ACP2: variants seen among roughly 807,000 people sequenced by gnomAD.
The protein encoded by ACP2 is acid phosphatase 2, lysosomal.
In ACP2, 35 loss-of-function variants were observed where a neutral mutation model predicts 54.7. The ratio of observed to expected loss-of-function variants is 0.64; its 90% confidence interval spans 0.49 to 0.85. The LOEUF is 0.85. Ranked by LOEUF, ACP2 falls within the 40% of genes least tolerant of loss-of-function variation. The pLI is 0.00. For synonymous variants in ACP2, 210 were observed against 224.4 expected (o/e 0.94, Z 0.57); for missense variants, 492 against 565.0 (o/e 0.87, Z 1.31).
chr11:47,245,864 G>GTGTGTC (rs1333705677), intron 3 of ACP2, 30 bp from the exon 4 acceptor site: 3 of 1,493,678 alleles, frequency 2.0e-6, no homozygotes, highest in Non-Finnish European at 2.7e-6. Flanking sequence ...AGTCGTGTGT[G>GTGTGTC]TGTGTGTGTG....
intron 1 of ACP2, 147 bp downstream of exon 1, chr11:47,248,529 G>T: frequency 6.4e-7 from 1 of 1,551,488 alleles, no homozygotes; most frequent in Non-Finnish European, 8.7e-7. Context: ...CAGGGCTCCA[G>T]GTCAATCCTG....
At chr11:47,244,651 G>T in intron 7 of ACP2, 84 bp downstream of exon 7, 1 of 1,098,386 alleles carries the variant, frequency 9.1e-7, no homozygotes, top group Non-Finnish European at 1.3e-6. Context: ...AGTAGAGAGG[G>T]AAGTGTGTGA....
intron 10 of ACP2, among the ~76,000 whole-genome samples, chr11:47,242,288 C>T (rs992627780): frequency 6.6e-6 from 1 of 152,180 alleles, no homozygotes; most frequent in Non-Finnish European, 1.5e-5. Flanking sequence ...TTCTAGGCAG[C>T]TCTTTCAAGG....
intron 10 of ACP2, among the ~76,000 whole-genome samples, chr11:47,242,170 TAGG>T (rs1438993361): frequency 1.3e-5 from 2 of 152,146 alleles, no homozygotes; most frequent in East Asian, 1.9e-4. Flanking sequence ...CTGGCTTTGG[TAGG>T]AGGTGACTGG....
At chr11:47,242,609 A>G in intron 10 of ACP2, 114 bp downstream of exon 10, 1 of 1,300,930 alleles carries the variant, frequency 7.7e-7, no homozygotes, top group Non-Finnish European at 1.1e-6. Flanking sequence ...TCGGGGAGGG[A>G]ACTCCTAGCA....
chr11:47,244,654 G>T, intron 7 of ACP2, 81 bp downstream of exon 7: 1 of 1,112,998 alleles, frequency 9.0e-7, no homozygotes, highest in Non-Finnish European at 1.3e-6. Flanking sequence ...AGAGAGGGAA[G>T]TGTGTGAGAA....
chr11:47,247,780 G>T, intron 2 of ACP2, 53 bp from the exon 3 acceptor site: 2 of 1,563,482 alleles, frequency 1.3e-6, no homozygotes, highest in Non-Finnish European at 1.7e-6. Context: ...GTGGCTTCAA[G>T]CCCCATGGGG....
intron 3 of ACP2, chr11:47,247,261 T>G: frequency 4.0e-6 from 1 of 249,376 alleles, no homozygotes; most frequent in Non-Finnish European, 7.9e-6. Context: ...CCCCACAACA[T>G]TCTAAGCTCC....
At chr11:47,243,616 T>C (rs1953953276) in intron 7 of ACP2, among the ~76,000 whole-genome samples, 1 of 152,226 alleles carries the variant, frequency 6.6e-6, no homozygotes, top group Admixed American at 6.5e-5. Flanking sequence ...AAACTTAAGA[T>C]TGCTTCAGAG....
Position 47,245,455 on chromosome 11 carries a change from C to T in ACP2, c.549+19G>A. 1 of 1,614,228 alleles carries T rather than the reference C, an allele frequency of 6.2e-7. No individual in the cohort carries two copies. Among genetic ancestry groups the T allele is most frequent in the Non-Finnish European group, 8.5e-7 (1 of 1,180,040 alleles). ...GGGGAAAAGACAGCGTGGTGAGCTG[C>T]ACCTCTGCCCCCACTCACTGCATTC... On this transcript the variant is annotated intron_variant, in intron 5 of 10. Transcript: ENST00000672073.
At chr11:47,247,241 C>T (rs1339247240) in intron 3 of ACP2, among the ~76,000 whole-genome samples, 1 of 152,182 alleles carries the variant, frequency 6.6e-6, no homozygotes, top group Admixed American at 6.5e-5. Flanking sequence ...TCTGGTTTAT[C>T]ATTAGATACC....
Position 47,240,125 on chromosome 11 carries a change from G to C in ACP2, c.1263C>G (p.Asp421Glu). The change falls in exon 11 of 11, where the codon GAC (aspartate) becomes GAG (glutamate). Residue 421 changes from aspartate (D) to glutamate (E), a missense_variant. Asp to Glu is a conservative substitution (Grantham distance 45, BLOSUM62 2). Coordinates refer to ENST00000672073, the MANE Select transcript of ACP2 (RefSeq NM_001610.4). ...GGGGGCTGAGTGGTTGTCAGGCGTG[G>C]TCCTCCCCATCTGCGACGTGGCGGT... ...PGYRHVADGEDHA is the reference protein window; with the variant it reads ...PGYRHVADGEEHA The C allele has an allele frequency of 6.2e-7, 1 of 1,613,598 alleles. No homozygotes were observed. Among genetic ancestry groups the C allele is most frequent in the Non-Finnish European group, 8.5e-7 (1 of 1,179,888 alleles).
Position 47,247,656 on chromosome 11 carries a change from A to C in ACP2, c.282T>G (p.Ser94=), listed in dbSNP as rs372895853. ...CCAACCTTACCTCTTGCCGGTGATAAGAGGTGTTTAGGAAGCCGTGATAGC... is the reference window on the plus strand; with the variant it reads ...CCAACCTTACCTCTTGCCGGTGATACGAGGTGTTTAGGAAGCCGTGATAGC... ...RQRYHGFLNT[S]YHRQEVYVRS... The change falls in exon 3 of 11, where the codon TCT becomes TCG. Residue 94 remains serine, a synonymous_variant. Transcript: ENST00000672073. 1.5e-4 allele frequency: 242 copies of C among 1,614,186 alleles called. 4 individuals are homozygous for C. In the East Asian group the frequency reaches 2.4e-3, roughly 16 times the overall value.
At chr11:47,243,862 C>T (rs1431432369) in intron 7 of ACP2, among the ~76,000 whole-genome samples, 2 of 152,098 alleles carry the variant, frequency 1.3e-5, no homozygotes, top group Admixed American at 6.6e-5. Flanking sequence ...CAGGGCTGGG[C>T]GTGGTGGCTC....
chr11:47,241,733 G>C (rs1383834202), intron 10 of ACP2, among the ~76,000 whole-genome samples: 1 of 152,172 alleles, frequency 6.6e-6, no homozygotes, highest in Admixed American at 6.5e-5. Context: ...ATGACCCCAA[G>C]GGTTATACTG....
Position 47,243,066 on chromosome 11 carries a change from G to T in ACP2, c.914C>A (p.Ala305Asp). 6.2e-7 allele frequency: 1 copy of T among 1,614,264 alleles called. No homozygotes were observed. The highest frequency in any genetic ancestry group is 8.5e-7 in the Non-Finnish European group (1 of 1,180,052). ...MALDVYNGEQAPYASCHIFEL... is the reference protein window; with the variant it reads ...MALDVYNGEQDPYASCHIFEL... ...AAATATGTGGCAGGAGGCGTAGGGGGCTTGTTCACCATTGTAGACATCCAG... is the reference window on the plus strand; with the variant it reads ...AAATATGTGGCAGGAGGCGTAGGGGTCTTGTTCACCATTGTAGACATCCAG... Residue 305 changes from alanine (A) to aspartate (D), a missense_variant, in exon 9 of 11, where the codon GCC becomes GAC. Physicochemically the swap from Ala to Asp is moderately radical, Grantham distance 126. Transcript: ENST00000672073.
chr11:47,241,517 C>CA lies in ACP2; in HGVS notation c.1138+1205dup, dbSNP rs1225893129. ...GGGCAACAAGAGCAAAACTCCATCT[C>CA]AAAAAAATAAAAAAAGTTAACTCTG... is the stretch of plus-strand genomic sequence containing the variant. On this transcript the variant is annotated intron_variant, in intron 10 of 10. Coordinates refer to ENST00000672073, the MANE Select transcript of ACP2 (RefSeq NM_001610.4). 3.9e-5 allele frequency among the ~76,000 whole-genome samples: 6 copies of CA among 151,914 alleles called. No homozygotes were observed. The South Asian group carries it at 1.2e-3, about 32-fold the overall frequency.
chr11:47,243,533 A>G (rs1041373696), intron 7 of ACP2, among the ~76,000 whole-genome samples: 3 of 152,220 alleles, frequency 2.0e-5, no homozygotes, highest in Non-Finnish European at 2.9e-5. Flanking sequence ...AAAACAAGAT[A>G]TCTGCCTATA....
At chr11:47,243,405 G>A in intron 7 of ACP2, 84 bp from the exon 8 acceptor site, 3 of 1,210,872 alleles carry the variant, frequency 2.5e-6, no homozygotes, top group Non-Finnish European at 3.6e-6. Flanking sequence ...TTCACCCTCT[G>A]CCAGGCCTGG....
Sources: gnomAD v4.1 joint callset for allele counts (sites outside exome capture counted in the v4.1 genomes callset) on GRCh38, gnomAD v4.1.1 for gene constraint, MANE v1.5 for transcripts, NCBI Gene and HGNC (gene_info 2026-07-23, HGNC 2026-07-21) for gene names.